The following CCDC18 variants were observed in gnomAD, a reference collection of about 807,000 sequenced individuals.
The protein encoded by CCDC18 is coiled-coil domain containing 18.
A neutral mutation model predicts 196.0 loss-of-function variants in CCDC18; 157 were observed. That is an observed-to-expected ratio of 0.80 (90% CI 0.70 to 0.91). The LOEUF (loss-of-function observed/expected upper bound fraction) is 0.91, where lower values mean the gene tolerates loss of function less well. CCDC18 is among the 40% of genes least tolerant of loss of function. CCDC18 has a pLI of 0.00. For synonymous variants in CCDC18, 482 were observed against 529.2 expected (o/e 0.91, Z 1.22); for missense variants, 1,465 against 1,611.6 (o/e 0.91, Z 1.56).
At chr1:93,235,184 G>T (rs1175777545) in intron 18 of CCDC18, among the ~76,000 whole-genome samples, 2 of 151,942 alleles carry the variant, frequency 1.3e-5, no homozygotes, top group African/African-American at 2.4e-5. Context: ...AGAAGAACGG[G>T]GGATATGCAG....
At position 93,270,432 on chromosome 1, in the gene CCDC18, C is replaced by T; in HGVS notation, c.3971C>T (p.Ser1324Phe). The T allele has an allele frequency of 1.3e-6, 2 of 1,550,420 alleles. No homozygotes were observed. Among genetic ancestry groups the T allele is most frequent in the Non-Finnish European group, 1.7e-6 (2 of 1,146,872 alleles). Residue 1324 changes from serine (S) to phenylalanine (F), a missense_variant, in exon 28 of 29, where the codon TCT becomes TTT. Coordinates refer to ENST00000690025, the MANE Select transcript of CCDC18 (RefSeq NM_001378204.1). ...DIKFLPAPFT[S>F]PTEIMPDVQD... ...AAGTTTCTGCCAGCCCCATTTACAT[C>T]TCCAACAGAAATTATGCCTGATGTT...
chr1:93,234,269 C>A (rs1470853961), intron 18 of CCDC18, among the ~76,000 whole-genome samples: 1 of 151,980 alleles, frequency 6.6e-6, no homozygotes, highest in Non-Finnish European at 1.5e-5. Context: ...TCAAGTGATT[C>A]TCCTGCCTCA....
chr1:93,236,846 T>TA (rs890878755), intron 19 of CCDC18, among the ~76,000 whole-genome samples: 3 of 152,106 alleles, frequency 2.0e-5, no homozygotes, highest in Non-Finnish European at 2.9e-5. Flanking sequence ...CAAGAGCTTG[T>TA]AAAAAAACAT....
At position 93,205,547 on chromosome 1, in the gene CCDC18, C is replaced by T; in HGVS notation, c.833C>T (p.Thr278Ile). The change falls in exon 8 of 29, where the codon ACT becomes ATT. Residue 278 changes from threonine (T) to isoleucine (I), a missense_variant. Transcript: ENST00000690025. ...AEEEILERNLTNCEKENKRLQ... is the reference protein window; with the variant it reads ...AEEEILERNLINCEKENKRLQ... ...GAAGAAATATTAGAGAGAAATCTAA[C>T]TAACTGTGAAAAAGAAAATAAAAGG... The T allele has an allele frequency of 6.3e-7, 1 of 1,589,336 alleles. No homozygotes were observed.
At chr1:93,188,088 C>T (rs189469007) in intron 4 of CCDC18, among the ~76,000 whole-genome samples, 4 of 152,186 alleles carry the variant, frequency 2.6e-5, no homozygotes, top group Admixed American at 2.6e-4. Flanking sequence ...TATAAACATA[C>T]CAGTGGTTAT....
At chr1:93,248,426 G>C (rs1661785305) in intron 23 of CCDC18, among the ~76,000 whole-genome samples, 1 of 152,116 alleles carries the variant, frequency 6.6e-6, no homozygotes, top group African/African-American at 2.4e-5. Context: ...ATTATTATAT[G>C]GTTTTTGTCC....
rs768816831 is a variant in CCDC18 at position 93,201,955 on chromosome 1, A to G, written c.762A>G (p.Gln254=). 6.2e-7 allele frequency: 1 copy of G among 1,610,490 alleles called. No individual in the cohort carries two copies. Among genetic ancestry groups the G allele is most frequent in the Non-Finnish European group, 8.5e-7 (1 of 1,178,400 alleles). The change falls in exon 7 of 29, where the codon CAA becomes CAG. Residue 254 remains glutamine, a synonymous_variant. Transcript: ENST00000690025. ...AAGAGCTGAGTAAAGCTTTCCAACA[A>G]TATAAAAAAAAAGTGGCTGAAAAAC... ...NAEELSKAFQ[Q]YKKKVAEKLE...
rs1654611965 is a variant in CCDC18 at position 93,205,746 on chromosome 1, A to C, written c.917+115A>C. The C allele has an allele frequency of 6.3e-6, 6 of 950,778 alleles. No individual in the cohort carries two copies. The South Asian group carries it at 9.3e-5, about 15-fold the overall frequency. 58.9% of individuals were successfully genotyped at this position (950,778 alleles called of 1,614,324 possible). A position where few individuals can be genotyped will look rare whatever the true frequency, so the allele number is the denominator to read the frequency against. On this transcript the variant is annotated intron_variant, in intron 8 of 28. Coordinates refer to ENST00000690025, the MANE Select transcript of CCDC18 (RefSeq NM_001378204.1). ...ATAGGCTTACATTATATAGAAGGATAGGCTTCATGACTGAAACTGTTTTCT... is the reference window on the plus strand; with the variant it reads ...ATAGGCTTACATTATATAGAAGGATCGGCTTCATGACTGAAACTGTTTTCT...
intron 10 of CCDC18, among the ~76,000 whole-genome samples, chr1:93,211,703 T>G (rs570320560): frequency 6.6e-6 from 1 of 152,340 alleles, no homozygotes; most frequent in South Asian, 2.1e-4. Context: ...AATAGCTGTA[T>G]AGGATTCTGT....
intron 8 of CCDC18, among the ~76,000 whole-genome samples, chr1:93,206,848 A>G (rs1366062841): frequency 6.6e-6 from 1 of 152,134 alleles, no homozygotes; most frequent in East Asian, 1.9e-4. Context: ...GTCCTTCCCT[A>G]CCATTTACTG....
In CCDC18 at chr1:93,264,834, A is replaced by G. The variant is rs1664283576; in HGVS notation, c.3818A>G (p.Asn1273Ser). The G allele has an allele frequency of 6.2e-7, 1 of 1,613,670 alleles. No individual in the cohort carries two copies. The highest frequency in any genetic ancestry group is 1.1e-5 in the South Asian group (1 of 91,072). Residue 1273 changes from asparagine (N) to serine (S), a missense_variant, in exon 27 of 29, where the codon AAT becomes AGT. Physicochemically the swap from Asn to Ser is conservative, Grantham distance 46. Coordinates refer to ENST00000690025, the MANE Select transcript of CCDC18 (RefSeq NM_001378204.1). ...ELEEAQDTVS[N>S]LHQQVQDRNE... ...GAAGAAGCTCAGGATACTGTAAGCA[A>G]TTTGCATCAACAAGTCCAAGATAGG...
intron 23 of CCDC18, among the ~76,000 whole-genome samples, chr1:93,250,561 T>A (rs1662104686): frequency 6.6e-6 from 1 of 152,186 alleles, no homozygotes; most frequent in Admixed American, 6.5e-5. Context: ...GAGTGGGGTA[T>A]TGAAGTCCCT....
chr1:93,212,305 G>A, intron 11 of CCDC18, 44 bp downstream of exon 11: 1 of 1,263,658 alleles, frequency 7.9e-7, no homozygotes, highest in South Asian at 2.0e-5. Flanking sequence ...TCAGAGTTTT[G>A]GATGATAGTT....
At chr1:93,190,748 G>T (rs747401557) in intron 4 of CCDC18, 10 of 581,468 alleles carry the variant, frequency 1.7e-5, no homozygotes, top group Non-Finnish European at 2.8e-5. Context: ...ACTTAGAACT[G>T]GGTCACTTGG....
Position 93,192,021 on chromosome 1 carries a change from C to T in CCDC18, c.484C>T (p.Gln162Ter). The T allele has an allele frequency of 6.2e-7, 1 of 1,613,030 alleles. No individual in the cohort carries two copies. Residue 162 changes from glutamine (Q) to a stop codon, truncating the protein, a stop_gained, in exon 5 of 29, where the codon CAA (glutamine) becomes TAA (stop). Coordinates refer to ENST00000690025, the MANE Select transcript of CCDC18 (RefSeq NM_001378204.1). LOFTEE classifies it high-confidence loss of function. ...RAKVSMLESA[Q>*]QQAASVPILE... Reference sequence around the variant, plus strand: ...TTAGGTTTCTATGCTTGAGTCTGCTCAACAGCAGGCAGCCAGTGTCCCAAT... The same window carrying T: ...TTAGGTTTCTATGCTTGAGTCTGCTTAACAGCAGGCAGCCAGTGTCCCAAT...
At chr1:93,225,908 TAG>T (rs1445279682) in intron 16 of CCDC18, among the ~76,000 whole-genome samples, 1 of 152,218 alleles carries the variant, frequency 6.6e-6, no homozygotes, top group African/African-American at 2.4e-5. Flanking sequence ...GAAAAGTTTT[TAG>T]AGTGTTTGGC....
At chr1:93,210,986 C>G in intron 10 of CCDC18, 60 bp downstream of exon 10, 2 of 1,544,286 alleles carry the variant, frequency 1.3e-6, no homozygotes, top group Non-Finnish European at 1.8e-6. Flanking sequence ...GTAATTAAGA[C>G]CCTTAATTGG....
Position 93,212,220 on chromosome 1 carries a change from G to A in CCDC18, c.1454G>A (p.Ser485Asn). ...NDSQESSKLS[S>N]LETEPVKLGG... is the part of the protein sequence containing the mutation. ...AGCCAAGAAAGTAGCAAATTAAGTA[G>A]TTTAGAAACAGAACCTGTAAAGCTA... Residue 485 changes from serine to asparagine, a missense_variant, in exon 11 of 29, where the codon AGT becomes AAT. Coordinates refer to ENST00000690025, the MANE Select transcript of CCDC18 (RefSeq NM_001378204.1). 1.9e-6 allele frequency: 3 copies of A among 1,606,032 alleles called. No individual in the cohort carries two copies. Among genetic ancestry groups the A allele is most frequent in the Non-Finnish European group, 2.5e-6 (3 of 1,177,328 alleles).
At chr1:93,269,756 T>A (rs565425757) in intron 27 of CCDC18, 3 of 152,196 alleles carry the variant, frequency 2.0e-5, no homozygotes, top group African/African-American at 7.2e-5. Flanking sequence ...TGTAGTCTCA[T>A]TCCTAGGATC....
Sources: gnomAD v4.1 joint callset for allele counts (sites outside exome capture counted in the v4.1 genomes callset) on GRCh38, gnomAD v4.1.1 for gene constraint, MANE v1.5 for transcripts, NCBI Gene and HGNC (gene_info 2026-07-23, HGNC 2026-07-21) for gene names.